Variants in AQP7 observed in about 807,000 individuals in gnomAD.
AQP7 encodes the protein aquaporin-7.
In AQP7, 22 loss-of-function variants were observed where a neutral mutation model predicts 26.1. The ratio of observed to expected loss-of-function variants is 0.84; its 90% CI spans 0.60 to 1.20. The LOEUF (loss-of-function observed/expected upper bound fraction) is 1.20. AQP7 is among the 50% of genes most tolerant of loss of function. AQP7 has a pLI of 0.00. For synonymous variants in AQP7, 167 were observed against 181.7 expected, an observed-to-expected ratio of 0.92 and a Z score of 0.65; for missense variants, 412 against 457.5, an observed-to-expected ratio of 0.90 and a Z score of 0.91.
chr9:33,392,692 C>T (rs1442617885), intron 3 of AQP7, among the ~76,000 whole-genome samples: 1 of 152,152 alleles, frequency 6.6e-6, no homozygotes, highest in Non-Finnish European at 1.5e-5. Flanking sequence ...CATTACTTTG[C>T]CCTGGATTAA....
intron 3 of AQP7, among the ~76,000 whole-genome samples, chr9:33,390,135 G>A (rs1407695149): frequency 2.0e-5 from 3 of 152,068 alleles, no homozygotes; most frequent in African/African-American, 7.2e-5. Flanking sequence ...ACATGATCCC[G>A]CGAAGGGGCT....
chr9:33,401,088 C>G (rs1056786466), intron 2 of AQP7, 149 bp downstream of exon 2: 63 of 848,574 alleles, frequency 7.4e-5, no homozygotes, highest in Non-Finnish European at 1.1e-4. Context: ...TCTTCTGGGA[C>G]CTCAGAGGCG....
At chr9:33,387,203 T>C in intron 3 of AQP7, 111 bp from the exon 4 acceptor site, 1 of 1,344,302 alleles carries the variant, frequency 7.4e-7, no homozygotes, top group East Asian at 2.4e-5. Flanking sequence ...CTCCCTGGCA[T>C]TGCCTCGAAG....
Position 33,401,177 on chromosome 9 carries a change from C to G in AQP7, c.26+60G>C, listed in dbSNP as rs1826248756. 5.2e-6 allele frequency: 8 copies of G among 1,530,952 alleles called. No individual in the cohort carries two copies. In the South Asian group the frequency reaches 7.2e-5, roughly 14 times the overall value. 94.8% of individuals were successfully genotyped at this position (1,530,952 alleles called of 1,614,324 possible). On this transcript the variant is annotated intron_variant, in intron 2 of 7. Transcript: ENST00000297988. ...GGCTGAGGATGGAACAGGGAGGGCA[C>G]TGAAGTGGGCTGGGTGAAGGACAGG...
chr9:33,387,103 G>A lies in AQP7; in HGVS notation c.145-11C>T, dbSNP rs773402342. 4.3e-6 allele frequency: 7 copies of A among 1,610,636 alleles called. No individual in the cohort carries two copies. In the African/African-American group the frequency reaches 9.4e-5, roughly 22 times the overall value. On this transcript the variant is annotated splice_polypyrimidine_tract_variant and intron_variant, in intron 3 of 7. Transcript: ENST00000297988. ...ACCAAGGCCGAATACCTACAAGGGA[G>A]GGCCTCTAAGGGGGCTGCCTGCCCA...
chr9:33,386,009 G>A lies in AQP7; in HGVS notation c.525+68C>T, dbSNP rs1301962868. The A allele has an allele frequency of 2.5e-6, 4 of 1,600,090 alleles. No homozygotes were observed. In the African/African-American group the frequency reaches 4.0e-5, roughly 16 times the overall value. On this transcript the variant is annotated intron_variant, in intron 6 of 7. Coordinates refer to ENST00000297988, the MANE Select transcript of AQP7 (RefSeq NM_001170.3). ...AGTTCTTGTCCTGTCTATCCGGAGG[G>A]ACTCCCTGCTGGCTCCGTCCTGAGG...
At position 33,396,214 on chromosome 9, in the gene AQP7, G is replaced by A. The variant is rs150668377; in HGVS notation, c.27-1019C>T. 6.8e-3 allele frequency among the ~76,000 whole-genome samples: 1,042 copies of A among 152,262 alleles called. 15 individuals are homozygous for A. Among genetic ancestry groups the A allele is most frequent in the African/African-American group, 0.024 (1,007 of 41,548 alleles). Reference sequence around the variant, plus strand: ...GCACTTTGGTAGGCCAAGGTGGGCAGATCACCTGAGGTCGGGAGTTCGAGA... The same window carrying A: ...GCACTTTGGTAGGCCAAGGTGGGCAAATCACCTGAGGTCGGGAGTTCGAGA... On this transcript the variant is annotated intron_variant, in intron 2 of 7. Transcript: ENST00000297988.
At chr9:33,388,043 G>C (rs1004600569) in intron 3 of AQP7, among the ~76,000 whole-genome samples, 35 of 152,168 alleles carry the variant, frequency 2.3e-4, no homozygotes, top group Non-Finnish European at 4.7e-4. Flanking sequence ...CTCTCCAAGG[G>C]CTCCAGCAAC....
chr9:33,394,617 C>T (rs1825697817), intron 3 of AQP7, among the ~76,000 whole-genome samples: 1 of 151,898 alleles, frequency 6.6e-6, no homozygotes, highest in Non-Finnish European at 1.5e-5. Context: ...CCTGCCTCAG[C>T]CTCCTGAATA....
intron 2 of AQP7, among the ~76,000 whole-genome samples, chr9:33,398,897 C>T (rs1826041147): frequency 6.6e-6 from 1 of 152,104 alleles, no homozygotes; most frequent in African/African-American, 2.4e-5. Flanking sequence ...AACCAGATTC[C>T]CTAAGTAATC....
In AQP7 at chr9:33,384,961, C is replaced by G; in HGVS notation, c.*44G>C. The G allele has an allele frequency of 6.4e-7, 1 of 1,562,886 alleles. No individual in the cohort carries two copies. The highest frequency in any genetic ancestry group is 1.4e-5 in the African/African-American group (1 of 73,928). ...AGTGGGGGTACTGCTGTCGGACAAG[C>G]CTTGCTTTATTGGGGAATGGATGGG... is the stretch of plus-strand genomic sequence containing the variant. On this transcript the variant is annotated 3_prime_UTR_variant, in exon 8 of 8. Coordinates refer to ENST00000297988, the MANE Select transcript of AQP7 (RefSeq NM_001170.3).
rs1824551842 is a variant in AQP7 at position 33,384,304 on chromosome 9, G to A, written c.*701C>T. On this transcript the variant is annotated 3_prime_UTR_variant, in exon 8 of 8. Transcript: ENST00000297988. Reference sequence around the variant, plus strand: ...ACTCTGGCACCAGGAAGAAGAAAGAGGAGCCCAACCCCTTAACAGCCTTCA... The same window carrying A: ...ACTCTGGCACCAGGAAGAAGAAAGAAGAGCCCAACCCCTTAACAGCCTTCA... The A allele has an allele frequency of 6.6e-6, 1 of 152,122 alleles. No homozygotes were observed. The highest frequency in any genetic ancestry group is 2.1e-4 in the South Asian group (1 of 4,824). The allele number at this position is 152,122 out of a possible 1,614,324, so 9.4% of individuals were successfully genotyped here.
At chr9:33,401,872 G>T (rs899130641) in intron 1 of AQP7, 4 of 153,614 alleles carry the variant, frequency 2.6e-5, no homozygotes, top group African/African-American at 9.7e-5. Context: ...CTCTAGCCCA[G>T]TTCCCTCTAG....
chr9:33,392,554 A>T (rs919928975), intron 3 of AQP7, among the ~76,000 whole-genome samples: 1 of 152,172 alleles, frequency 6.6e-6, no homozygotes, highest in Non-Finnish European at 1.5e-5. Flanking sequence ...AGGAACACAG[A>T]TGTGGGCAGG....
intron 3 of AQP7, among the ~76,000 whole-genome samples, chr9:33,389,165 T>C (rs1036371570): frequency 1.3e-5 from 2 of 152,070 alleles, no homozygotes; most frequent in East Asian, 3.9e-4. Flanking sequence ...GTAGTTGAGA[T>C]AATAGGTGCA....
intron 3 of AQP7, among the ~76,000 whole-genome samples, chr9:33,392,752 G>A (rs538556602): frequency 1.3e-5 from 2 of 152,320 alleles, no homozygotes; most frequent in African/African-American, 4.8e-5. Flanking sequence ...GCCAAAGCAG[G>A]TGGGGAGGTA....
Position 33,385,695 on chromosome 9 carries a change from G to C in AQP7, c.697C>G (p.Pro233Ala). ...CCAGCAATGAAGGTGAAGATGCGGG[G>C]GGGCAGGTCCCGGGACGGGTTGATG... ...YAINPSRDLP[P>A]RIFTFIAGWG... Residue 233 changes from proline (P) to alanine (A), a missense_variant, in exon 7 of 8, where the codon CCC becomes GCC. Coordinates refer to ENST00000297988, the MANE Select transcript of AQP7 (RefSeq NM_001170.3). 1 of 1,613,932 alleles carries C rather than the reference G, an allele frequency of 6.2e-7. No homozygotes were observed. Among genetic ancestry groups the C allele is most frequent in the Non-Finnish European group, 8.5e-7 (1 of 1,180,034 alleles).
At chr9:33,394,659 A>G (rs1376274008) in intron 3 of AQP7, among the ~76,000 whole-genome samples, 1 of 151,756 alleles carries the variant, frequency 6.6e-6, no homozygotes, top group Non-Finnish European at 1.5e-5. Flanking sequence ...CACCATGCCC[A>G]GCTAATTTTT....
At chr9:33,387,530 GCACAAACA>G (rs1376190816) in intron 3 of AQP7, among the ~76,000 whole-genome samples, 2 of 150,620 alleles carry the variant, frequency 1.3e-5, no homozygotes, top group African/African-American at 2.4e-5. Flanking sequence ...ACCCCTCCCT[GCACAAACA>G]CACACACACA....
Sources: allele counts gnomAD v4.1 joint callset (sites outside exome capture counted in the v4.1 genomes callset), GRCh38; gene constraint gnomAD v4.1.1; transcripts MANE v1.5; gene names NCBI Gene and HGNC (gene_info 2026-07-23, HGNC 2026-07-21).